SULT2A1: variants seen among roughly 807,000 people sequenced by gnomAD.
SULT2A1 encodes the protein sulfotransferase 2A1.
SULT2A1 carries 43 observed loss-of-function variants against 33.9 expected under a neutral mutation model. The observed-to-expected ratio is 1.27, with a 90% confidence interval of 1.00 to 1.64. The LOEUF is 1.64. Ranked by LOEUF, SULT2A1 falls within the 40% of genes most tolerant of loss-of-function variation. The pLI, the probability that SULT2A1 is intolerant of heterozygous loss-of-function variation, is 0.00. For missense variants in SULT2A1, 300 were observed against 335.1 expected, an observed-to-expected ratio of 0.90 and a Z score of 0.82; for synonymous variants, 125 against 113.6, an observed-to-expected ratio of 1.10 and a Z score of -0.64.
At chr19:47,871,617 T>C in intron 5 of SULT2A1, 50 bp from the exon 6 acceptor site, 3 of 1,253,996 alleles carry the variant, frequency 2.4e-6, no homozygotes, top group Non-Finnish European at 2.3e-6. Flanking sequence ...CTCCTTGACC[T>C]GTCTCCACCA....
intron 3 of SULT2A1, among the ~76,000 whole-genome samples, chr19:47,881,043 G>A (rs1043152050): frequency 2.0e-5 from 3 of 151,936 alleles, no homozygotes; most frequent in Non-Finnish European, 2.9e-5. Flanking sequence ...GTGTTCAAAT[G>A]TTTTTATTTG....
intron 1 of SULT2A1, among the ~76,000 whole-genome samples, chr19:47,885,892 A>G (rs1297477502): frequency 6.6e-6 from 1 of 152,120 alleles, no homozygotes; most frequent in Non-Finnish European, 1.5e-5. Context: ...TTGCCTTGGG[A>G]TTCACTCCTG....
chr19:47,874,036 AG>A (rs756422009), intron 5 of SULT2A1, among the ~76,000 whole-genome samples: 4 of 152,192 alleles, frequency 2.6e-5, no homozygotes, highest in East Asian at 3.9e-4. Context: ...AGGTCTAGCA[AG>A]GGTTGCTAGT....
chr19:47,874,427 C>G (rs988463037), intron 5 of SULT2A1, among the ~76,000 whole-genome samples: 15 of 151,484 alleles, frequency 9.9e-5, no homozygotes, highest in Non-Finnish European at 2.1e-4. Context: ...TAATTTCCAG[C>G]TACTCGGGAG....
chr19:47,874,141 C>T (rs1438359841), intron 5 of SULT2A1, among the ~76,000 whole-genome samples: 4 of 152,104 alleles, frequency 2.6e-5, no homozygotes, highest in Non-Finnish European at 4.4e-5. Context: ...ATAACCTTCC[C>T]GGGCGGAACC....
chr19:47,871,283 C>T lies in SULT2A1; in HGVS notation c.*172G>A. On this transcript the variant is annotated 3_prime_UTR_variant, in exon 6 of 6. Transcript: ENST00000222002. ...GGGATTACAGGCATGAACCACCGTGCCTGGCCAACCCTGGTAACTTTTAAC... is the reference window on the plus strand; with the variant it reads ...GGGATTACAGGCATGAACCACCGTGTCTGGCCAACCCTGGTAACTTTTAAC... 1.7e-6 allele frequency: 1 copy of T among 600,526 alleles called. No homozygotes were observed. The highest frequency in any genetic ancestry group is 2.9e-6 in the Non-Finnish European group (1 of 342,900). The allele number at this position is 600,526 out of a possible 1,614,324, so 37.2% of individuals were successfully genotyped here. A position where few individuals can be genotyped will look rare whatever the true frequency, so the allele number is the denominator to read the frequency against.
chr19:47,884,900 T>C (rs1040383932), intron 1 of SULT2A1, among the ~76,000 whole-genome samples: 2 of 135,094 alleles, frequency 1.5e-5, no homozygotes, highest in Non-Finnish European at 3.1e-5. Context: ...GCCACCTCCA[T>C]CTCCTGGGTT....
intron 5 of SULT2A1, among the ~76,000 whole-genome samples, chr19:47,873,813 T>C (rs1339695951): frequency 1.3e-5 from 2 of 151,496 alleles, no homozygotes; most frequent in Admixed American, 6.6e-5. Context: ...TTAGTGGAGA[T>C]GGGGTTTCAC....
At chr19:47,882,459 C>T (rs992278805) in intron 2 of SULT2A1, among the ~76,000 whole-genome samples, 2 of 152,110 alleles carry the variant, frequency 1.3e-5, no homozygotes, top group Admixed American at 6.6e-5. Flanking sequence ...AGTCTGCTCA[C>T]AATGGGAAGA....
intron 1 of SULT2A1, among the ~76,000 whole-genome samples, chr19:47,884,202 T>C (rs1600041839): frequency 6.6e-6 from 1 of 150,590 alleles, no homozygotes; most frequent in East Asian, 2.0e-4. Context: ...GACAGAGTCT[T>C]GCTCTGTCAC....
intron 3 of SULT2A1, among the ~76,000 whole-genome samples, chr19:47,880,562 CATTATTATTATT>C (rs66892249): frequency 0.24 from 34,416 of 146,372 alleles, 4,202 homozygotes; most frequent in South Asian, 0.26. Flanking sequence ...GTATGGAATA[CATTATTATTATT>C]ATTATTATTA....
At chr19:47,873,361 G>A (rs1968511062) in intron 5 of SULT2A1, among the ~76,000 whole-genome samples, 1 of 151,624 alleles carries the variant, frequency 6.6e-6, no homozygotes, top group Non-Finnish European at 1.5e-5. Flanking sequence ...AGTAGAGATG[G>A]GCTTTCTCCG....
chr19:47,882,994 A>T (rs1285031778), intron 2 of SULT2A1, among the ~76,000 whole-genome samples: 2 of 152,216 alleles, frequency 1.3e-5, no homozygotes, highest in Middle Eastern at 3.4e-3. Flanking sequence ...AGTCTGAGCC[A>T]TGCAAGGTCC....
intron 1 of SULT2A1, among the ~76,000 whole-genome samples, chr19:47,885,209 C>T (rs1441587180): frequency 2.6e-5 from 4 of 152,158 alleles, no homozygotes; most frequent in African/African-American, 9.7e-5. Flanking sequence ...TGTTGCAAAA[C>T]CGAAACTCTA....
chr19:47,874,652 T>C lies in SULT2A1; in HGVS notation c.745+5A>G. The C allele has an allele frequency of 1.2e-6, 2 of 1,611,612 alleles. No homozygotes were observed. The highest frequency in any genetic ancestry group is 1.7e-6 in the Non-Finnish European group (2 of 1,178,976). On this transcript the variant is annotated splice_donor_5th_base_variant and intron_variant, in intron 5 of 5. Coordinates refer to ENST00000222002, the MANE Select transcript of SULT2A1 (RefSeq NM_003167.4). Reference sequence around the variant, plus strand: ...ATATTTGGAAACCAGAGGATTTTCTTTTACCTTTTCTCAGAAGTTGTGCTT... The same window carrying C: ...ATATTTGGAAACCAGAGGATTTTCTCTTACCTTTTCTCAGAAGTTGTGCTT...
At chr19:47,875,990 T>G (rs1160230557) in intron 4 of SULT2A1, among the ~76,000 whole-genome samples, 2 of 152,146 alleles carry the variant, frequency 1.3e-5, no homozygotes, top group Non-Finnish European at 2.9e-5. Context: ...TCCTGGGAGA[T>G]TAATAGATTT....
chr19:47,884,114 A>G (rs1300400276), intron 1 of SULT2A1, among the ~76,000 whole-genome samples: 3 of 150,544 alleles, frequency 2.0e-5, no homozygotes, highest in Admixed American at 1.3e-4. Flanking sequence ...CAAAAAAAAA[A>G]ACAAAAACAA....
In SULT2A1 at chr19:47,882,120, A is replaced by C; in HGVS notation, c.436T>G (p.Trp146Gly). 6.2e-7 allele frequency: 1 copy of C among 1,613,976 alleles called. No individual in the cohort carries two copies. Among genetic ancestry groups the C allele is most frequent in the Non-Finnish European group, 8.5e-7 (1 of 1,179,984 alleles). ...CAAAACCATTCAAAATATTCTTCCC[A>C]TGACTTTGGTTTCTTAATAAACTTC... Reference protein sequence around the residue: ...NMKFIKKPKSWEEYFEWFCQG... With the variant: ...NMKFIKKPKSGEEYFEWFCQG... The change falls in exon 3 of 6, where the codon TGG becomes GGG. Residue 146 changes from tryptophan to glycine, a missense_variant. Trp to Gly is a radical substitution (Grantham distance 184). Coordinates refer to ENST00000222002, the MANE Select transcript of SULT2A1 (RefSeq NM_003167.4).
chr19:47,874,542 A>G lies in SULT2A1; in HGVS notation c.745+115T>C, dbSNP rs62531057. Reference sequence around the variant, plus strand: ...GTGATAGAGCAAGACTTCATCTCGGAAAAAAAAAAAAAAAAAAAGCACTCT... The same window carrying G: ...GTGATAGAGCAAGACTTCATCTCGGGAAAAAAAAAAAAAAAAAAGCACTCT... On this transcript the variant is annotated intron_variant, in intron 5 of 5. Coordinates refer to ENST00000222002, the MANE Select transcript of SULT2A1 (RefSeq NM_003167.4). 100 of 130,344 alleles carry G rather than the reference A, an allele frequency of 7.7e-4. No homozygotes were observed. The East Asian group carries it at 0.021, about 27-fold the overall frequency. 8.1% of individuals were successfully genotyped at this position (130,344 alleles called of 1,614,324 possible). A position where few individuals can be genotyped will look rare whatever the true frequency, so the allele number is the denominator to read the frequency against.
Sources: allele counts gnomAD v4.1 joint callset (sites outside exome capture counted in the v4.1 genomes callset), GRCh38; gene constraint gnomAD v4.1.1; transcripts MANE v1.5; gene names NCBI Gene and HGNC (gene_info 2026-07-23, HGNC 2026-07-21).